MOGAT1: variants seen among roughly 807,000 people sequenced by gnomAD.
MOGAT1 encodes 2-acylglycerol O-acyltransferase 1.
A neutral mutation model predicts 31.4 loss-of-function variants in MOGAT1; 32 were observed. The ratio of observed to expected loss-of-function variants is 1.02; its 90% CI spans 0.77 to 1.37. MOGAT1 has a LOEUF of 1.37. Among genes scored for constraint, MOGAT1 ranks in the 40% most tolerant of loss-of-function variants. The probability of loss-of-function intolerance (pLI) is 0.00; values close to 1 mark genes in which losing one functional copy is unlikely to be tolerated. For synonymous variants in MOGAT1, 145 were observed against 144.5 expected (o/e 1.00, Z -0.03); for missense variants, 426 against 402.0 (o/e 1.06, Z -0.51).
In MOGAT1 at chr2:222,688,590, A is replaced by G. The variant is rs534421974; in HGVS notation, c.273+68A>G. 7.9e-6 allele frequency: 9 copies of G among 1,133,816 alleles called. 1 individual carries two copies. In the South Asian group the frequency reaches 1.3e-4, roughly 16 times the overall value. The allele number at this position is 1,133,816 out of a possible 1,614,324, so 70.2% of individuals were successfully genotyped here. On this transcript the variant is annotated intron_variant, in intron 2 of 5. Transcript: ENST00000446656. ...AAGAGTGGAAATTTGTTTTCATCAC[A>G]TATATCTCAAGCTTCTTTTTCAGAG...
chr2:222,684,676 G>A (rs1165654420), intron 1 of MOGAT1, among the ~76,000 whole-genome samples: 6 of 151,764 alleles, frequency 4.0e-5, no homozygotes, highest in Non-Finnish European at 7.4e-5. Flanking sequence ...TCCCAGGTTC[G>A]AACAATTCTC....
chr2:222,697,468 A>G (rs1024111210), intron 5 of MOGAT1, among the ~76,000 whole-genome samples: 5 of 152,126 alleles, frequency 3.3e-5, no homozygotes, highest in Non-Finnish European at 7.4e-5. Flanking sequence ...CTGGTTTTCA[A>G]TCTCTCTGAA....
intron 1 of MOGAT1, among the ~76,000 whole-genome samples, chr2:222,678,699 G>T (rs1361037760): frequency 6.6e-6 from 1 of 152,164 alleles, no homozygotes; most frequent in Admixed American, 6.5e-5. Context: ...CCAGCACTTT[G>T]AGAGGCCGAG....
intron 5 of MOGAT1, among the ~76,000 whole-genome samples, chr2:222,705,728 C>A (rs146529171): frequency 5.3e-5 from 8 of 151,956 alleles, no homozygotes; most frequent in Admixed American, 5.2e-4. Flanking sequence ...TAGGTTTTTC[C>A]GGGGATTTGA....
intron 1 of MOGAT1, among the ~76,000 whole-genome samples, chr2:222,680,728 C>T (rs542290412): frequency 2.6e-5 from 4 of 151,936 alleles, no homozygotes; most frequent in South Asian, 2.1e-4. Flanking sequence ...CTCCATACTA[C>T]GTTAAATGGT....
chr2:222,695,379 G>A, intron 5 of MOGAT1, 91 bp downstream of exon 5: 1 of 767,124 alleles, frequency 1.3e-6, no homozygotes, highest in Non-Finnish European at 2.0e-6. Flanking sequence ...AAGTGGCTTT[G>A]AGTAAGAACT....
intron 5 of MOGAT1, among the ~76,000 whole-genome samples, chr2:222,701,476 GAA>G (rs981262234): frequency 4.2e-5 from 6 of 142,972 alleles, no homozygotes; most frequent in African/African-American, 1.6e-4. Flanking sequence ...GAAAGAAAGA[GAA>G]AGAAAGAAAG....
chr2:222,678,902 T>C (rs1239643790), intron 1 of MOGAT1, among the ~76,000 whole-genome samples: 1 of 152,122 alleles, frequency 6.6e-6, no homozygotes, highest in Non-Finnish European at 1.5e-5. Context: ...GATCGTGCCA[T>C]TGCACTCCAG....
In MOGAT1 at chr2:222,709,869, C is replaced by T. The variant is rs753728329; in HGVS notation, c.987C>T (p.His329=). ...EHKGKYGIPE[H]ETLVLK is the part of the protein sequence containing the mutation. Reference sequence around the variant, plus strand: ...AAGGAAAGTATGGCATTCCAGAGCACGAGACTCTTGTTTTAAAATGACTTG... The same window carrying T: ...AAGGAAAGTATGGCATTCCAGAGCATGAGACTCTTGTTTTAAAATGACTTG... The change falls in exon 6 of 6, where the codon CAC becomes CAT. Residue 329 remains histidine, a synonymous_variant. Transcript: ENST00000446656. The T allele has an allele frequency of 2.5e-6, 4 of 1,604,198 alleles. No individual in the cohort carries two copies. Among genetic ancestry groups the T allele is most frequent in the Non-Finnish European group, 2.6e-6 (3 of 1,175,562 alleles).
At chr2:222,701,424 AAG>A (rs1437901126) in intron 5 of MOGAT1, among the ~76,000 whole-genome samples, 10 of 150,318 alleles carry the variant, frequency 6.7e-5, no homozygotes, top group Admixed American at 2.7e-4. Context: ...AAAATAAAGA[AAG>A]AAAGAAAGAG....
chr2:222,709,643 T>C (rs1693082083), intron 5 of MOGAT1, 93 bp from the exon 6 acceptor site: 1 of 1,146,562 alleles, frequency 8.7e-7, no homozygotes, highest in Non-Finnish European at 1.2e-6. Context: ...GGGATTCTGA[T>C]TGGCAGTTGT....
At chr2:222,672,022 C>A in intron 1 of MOGAT1, 143 bp downstream of exon 1, 1 of 629,900 alleles carries the variant, frequency 1.6e-6, no homozygotes, top group Non-Finnish European at 2.8e-6. Context: ...GCATTTGGAG[C>A]TAACGTGGAC....
intron 5 of MOGAT1, among the ~76,000 whole-genome samples, chr2:222,696,825 A>T (rs936036414): frequency 2.6e-5 from 4 of 152,164 alleles, no homozygotes; most frequent in Admixed American, 2.0e-4. Context: ...GGAATGCCTG[A>T]GCCCAGGAGT....
At chr2:222,691,445 G>A (rs1214772931) in intron 3 of MOGAT1, among the ~76,000 whole-genome samples, 3 of 152,124 alleles carry the variant, frequency 2.0e-5, no homozygotes, top group Non-Finnish European at 4.4e-5. Flanking sequence ...CTGACCTCAG[G>A]TGATCCACCC....
chr2:222,709,880 T>G lies in MOGAT1; in HGVS notation c.998T>G (p.Val333Gly). 1 of 1,600,100 alleles carries G rather than the reference T, an allele frequency of 6.2e-7. No individual in the cohort carries two copies. Among genetic ancestry groups the G allele is most frequent in the Non-Finnish European group, 8.5e-7 (1 of 1,174,490 alleles). Residue 333 changes from valine (V) to glycine (G), a missense_variant, in exon 6 of 6, where the codon GTT becomes GGT. Transcript: ENST00000446656. ...KYGIPEHETL[V>G]LK ...GGCATTCCAGAGCACGAGACTCTTG[T>G]TTTAAAATGACTTGACTATAAAAAA...
chr2:222,709,620 T>G (rs1693081932), intron 5 of MOGAT1, 116 bp from the exon 6 acceptor site: 1 of 848,902 alleles, frequency 1.2e-6, no homozygotes, highest in Non-Finnish European at 1.8e-6. Flanking sequence ...AGGATTGGAG[T>G]GAGCAGGCTG....
chr2:222,707,574 A>G (rs1041853640), intron 5 of MOGAT1, among the ~76,000 whole-genome samples: 2 of 152,244 alleles, frequency 1.3e-5, no homozygotes, highest in African/African-American at 2.4e-5. Flanking sequence ...CCACCTCATC[A>G]CTACATTGGC....
chr2:222,672,871 G>C (rs1037702548), intron 1 of MOGAT1, among the ~76,000 whole-genome samples: 2 of 145,214 alleles, frequency 1.4e-5, no homozygotes, highest in Non-Finnish European at 3.0e-5. Context: ...AGATGCCCAG[G>C]CTCCATCCTG....
At chr2:222,671,933 G>A (rs545824066) in intron 1 of MOGAT1, 54 bp downstream of exon 1, 2 of 1,408,322 alleles carry the variant, frequency 1.4e-6, no homozygotes, top group African/African-American at 1.4e-5. Context: ...CCTCCCTCGG[G>A]ACGGTCCGGA....
Sources: allele counts gnomAD v4.1 joint callset (sites outside exome capture counted in the v4.1 genomes callset), GRCh38; gene constraint gnomAD v4.1.1; transcripts MANE v1.5; gene names NCBI Gene and HGNC (gene_info 2026-07-23, HGNC 2026-07-21).